Variants in TNIK observed in about 807,000 individuals in gnomAD.
The protein encoded by TNIK is TRAF2 and NCK-interacting protein kinase.
TNIK carries 49 observed loss-of-function variants against 191.3 expected under a neutral mutation model. That is an observed-to-expected ratio of 0.26 (90% CI 0.20 to 0.32). The LOEUF (loss-of-function observed/expected upper bound fraction) is 0.32, where lower values mean the gene tolerates loss of function less well. Among genes scored for constraint, TNIK ranks in the 10% least tolerant of loss-of-function variants. TNIK has a pLI of 1.00. For synonymous variants in TNIK, 594 were observed against 600.9 expected, an observed-to-expected ratio of 0.99 and a Z score of 0.17; for missense variants, 1,155 against 1,702.3, an observed-to-expected ratio of 0.68 and a Z score of 5.66.
At chr3:171,365,158 A>ATTTTTTTT (rs1715515509) in intron 2 of TNIK, among the ~76,000 whole-genome samples, 1 of 51,594 alleles carries the variant, frequency 1.9e-5, no homozygotes, top group Non-Finnish European at 4.9e-5. Flanking sequence ...AAAGGACTAC[A>ATTTTTTTT]TTCTTTTTTT....
chr3:171,204,913 A>G (rs61792428), intron 4 of TNIK, among the ~76,000 whole-genome samples: 5,816 of 152,260 alleles, frequency 0.038, 131 homozygotes, highest in South Asian at 0.071. Flanking sequence ...CGGACTTGCT[A>G]TAAGACCTTG....
chr3:171,352,113 G>A (rs1713303078), intron 2 of TNIK, among the ~76,000 whole-genome samples: 1 of 152,206 alleles, frequency 6.6e-6, no homozygotes, highest in African/African-American at 2.4e-5. Flanking sequence ...TCTCCCAGGA[G>A]GTGCTGATCA....
chr3:171,178,657 G>A (rs1736264490), intron 7 of TNIK, among the ~76,000 whole-genome samples: 1 of 152,148 alleles, frequency 6.6e-6, no homozygotes, highest in African/African-American at 2.4e-5. Flanking sequence ...AAAACACCAA[G>A]AAGAGGCTTG....
intron 2 of TNIK, among the ~76,000 whole-genome samples, chr3:171,348,960 TAAGTA>T (rs1024787056): frequency 1.3e-5 from 2 of 152,032 alleles, no homozygotes; most frequent in South Asian, 2.1e-4. Flanking sequence ...TTGAAAAATT[TAAGTA>T]AATAAAATAC....
intron 2 of TNIK, among the ~76,000 whole-genome samples, chr3:171,298,927 AATGGCTCCATC>A (rs1752602320): frequency 6.6e-6 from 1 of 152,228 alleles, no homozygotes; most frequent in African/African-American, 2.4e-5. Context: ...ATATGCAAGG[AATGGCTCCATC>A]ATGGCACCAT....
Position 171,138,317 on chromosome 3 carries a change from C to T in TNIK, c.1482G>A (p.Lys494=). 1 of 1,613,030 alleles carries T rather than the reference C, an allele frequency of 6.2e-7. No individual in the cohort carries two copies. Among genetic ancestry groups the T allele is most frequent in the Non-Finnish European group, 8.5e-7 (1 of 1,179,600 alleles). The part of the protein sequence containing the change: ...RQAERLQRQL[K]QERDYLVSLQ... ...GGGAAACTAAGTAGTCTCTTTCTTG[C>T]TTTAGCTGCCTCTGCAGTCTTTCTG... The change falls in exon 15 of 33, where the codon AAG becomes AAA. Residue 494 remains lysine, a synonymous_variant. Coordinates refer to ENST00000436636, the MANE Select transcript of TNIK (RefSeq NM_015028.4).
At chr3:171,452,728 A>G (rs1285343953) in intron 1 of TNIK, among the ~76,000 whole-genome samples, 1 of 93,926 alleles carries the variant, frequency 1.1e-5, no homozygotes, top group Non-Finnish European at 2.0e-5. Context: ...AACACACTCC[A>G]AACACACACA....
At chr3:171,238,297 G>C (rs929646447) in intron 2 of TNIK, among the ~76,000 whole-genome samples, 5 of 151,304 alleles carry the variant, frequency 3.3e-5, no homozygotes, top group African/African-American at 7.3e-5. Context: ...CTGGGGGACA[G>C]AGTGAGATCC....
At chr3:171,358,808 GGACA>G (rs1714540940) in intron 2 of TNIK, among the ~76,000 whole-genome samples, 1 of 152,118 alleles carries the variant, frequency 6.6e-6, no homozygotes, top group Non-Finnish European at 1.5e-5. Flanking sequence ...GCCAACGTAA[GGACA>G]GACAGACATG....
chr3:171,114,904 A>C (rs182990708), intron 18 of TNIK, among the ~76,000 whole-genome samples: 4 of 152,260 alleles, frequency 2.6e-5, no homozygotes, highest in African/African-American at 9.6e-5. Flanking sequence ...CTCTGAAATA[A>C]TCTACATTTC....
intron 4 of TNIK, among the ~76,000 whole-genome samples, chr3:171,209,962 G>A (rs1740589162): frequency 6.6e-6 from 1 of 152,106 alleles, no homozygotes; most frequent in Non-Finnish European, 1.5e-5. Context: ...AATTCTCCAT[G>A]AAATAGCCAT....
At chr3:171,424,676 C>T (rs1485356892) in intron 1 of TNIK, among the ~76,000 whole-genome samples, 2 of 152,046 alleles carry the variant, frequency 1.3e-5, no homozygotes, top group Non-Finnish European at 2.9e-5. Flanking sequence ...AGTTCATGTC[C>T]TTTGTAGGAA....
intron 15 of TNIK, among the ~76,000 whole-genome samples, chr3:171,131,898 G>A (rs945603064): frequency 1.3e-5 from 2 of 152,172 alleles, no homozygotes; most frequent in Admixed American, 1.3e-4. Flanking sequence ...CTAGACAAAG[G>A]CCTGTTCCCT....
chr3:171,215,779 C>T (rs903222030), intron 3 of TNIK, among the ~76,000 whole-genome samples: 1 of 152,138 alleles, frequency 6.6e-6, no homozygotes, highest in African/African-American at 2.4e-5. Flanking sequence ...ACTTTAAGTG[C>T]CTATGATATG....
chr3:171,144,851 C>A (rs988098902), intron 12 of TNIK, among the ~76,000 whole-genome samples: 1 of 152,150 alleles, frequency 6.6e-6, no homozygotes, highest in Non-Finnish European at 1.5e-5. Flanking sequence ...TGAGTGAGAT[C>A]ATATGGTATT....
chr3:171,363,499 T>C (rs999630450), intron 2 of TNIK, among the ~76,000 whole-genome samples: 2 of 152,178 alleles, frequency 1.3e-5, no homozygotes, highest in African/African-American at 4.8e-5. Flanking sequence ...ATGTTAGAAA[T>C]TCTTGATTAA....
At chr3:171,277,510 A>C (rs947756048) in intron 2 of TNIK, among the ~76,000 whole-genome samples, 2 of 152,186 alleles carry the variant, frequency 1.3e-5, no homozygotes, top group African/African-American at 4.8e-5. Flanking sequence ...TAAAAAAAAA[A>C]CAAATTTCAG....
rs560371564 is a variant in TNIK, at chr3:171,423,864, G to A, written c.57+36143C>T. On this transcript the variant is annotated intron_variant, in intron 1 of 32. Coordinates refer to ENST00000436636, the MANE Select transcript of TNIK (RefSeq NM_015028.4). ...GGATTAAAGACTTAAATGTTAGACC[G>A]AAAACCATAAAAACCCTAGAATAAA... is the stretch of plus-strand genomic sequence containing the variant. 4.2e-3 allele frequency among the ~76,000 whole-genome samples: 637 copies of A among 152,114 alleles called. 3 individuals are homozygous for A. The highest frequency in any genetic ancestry group is 0.015 in the African/African-American group (608 of 41,488).
Position 171,128,887 on chromosome 3 carries a change from C to CAAAAAAAA in TNIK, c.1609-17_1609-10dup, listed in dbSNP as rs59293515. Reference sequence around the variant, plus strand: ...CTTGACCGTTCTTCTACCTACAACCCAAAAAAAAAAAAAAAAAAAAGACAG... The same window carrying CAAAAAAAA: ...CTTGACCGTTCTTCTACCTACAACCCAAAAAAAAAAAAAAAAAAAAAAAAAAAAGACAG... On this transcript the variant is annotated splice_polypyrimidine_tract_variant and intron_variant, in intron 15 of 32. Transcript: ENST00000436636. The CAAAAAAAA allele has an allele frequency of 5.4e-4, 667 of 1,244,206 alleles. 9 individuals are homozygous for CAAAAAAAA. Among genetic ancestry groups the CAAAAAAAA allele is most frequent in the South Asian group, 2.6e-3 (118 of 46,250 alleles). The allele number at this position is 1,244,206 out of a possible 1,614,324, so 77.1% of individuals were successfully genotyped here.
Sources: gnomAD v4.1 joint callset for allele counts (sites outside exome capture counted in the v4.1 genomes callset) on GRCh38, gnomAD v4.1.1 for gene constraint, MANE v1.5 for transcripts, NCBI Gene and HGNC (gene_info 2026-07-23, HGNC 2026-07-21) for gene names.